DIP2C: variants seen among roughly 807,000 people sequenced by gnomAD.
DIP2C encodes DIP2 acetate--CoA ligase C (putative).
In DIP2C, 33 loss-of-function variants were observed where a neutral mutation model predicts 192.4. The observed-to-expected ratio is 0.17, with a 90% CI of 0.13 to 0.23. The LOEUF (loss-of-function observed/expected upper bound fraction) is 0.23, where lower values mean the gene tolerates loss of function less well. DIP2C is among the 10% of genes least tolerant of loss of function. The probability of loss-of-function intolerance (pLI) is 1.00; values close to 1 mark genes in which losing one functional copy is unlikely to be tolerated. For synonymous variants in DIP2C, 979 were observed against 864.1 expected, an observed-to-expected ratio of 1.13 and a Z score of -2.33; for missense variants, 1,537 against 2,110.1, an observed-to-expected ratio of 0.73 and a Z score of 5.32.
intron 19 of DIP2C, among the ~76,000 whole-genome samples, chr10:364,785 G>A (rs180812822): frequency 1.3e-5 from 2 of 152,208 alleles, no homozygotes; most frequent in African/African-American, 4.8e-5. Flanking sequence ...ACCTCAGCAG[G>A]ACCCCATCCG....
chr10:417,704 C>CGG (rs1965777476), intron 6 of DIP2C, among the ~76,000 whole-genome samples: 4 of 111,362 alleles, frequency 3.6e-5, no homozygotes, highest in East Asian at 2.7e-4. Context: ...CTGTGCCTGT[C>CGG]GGCTCAAATA....
intron 4 of DIP2C, among the ~76,000 whole-genome samples, chr10:433,949 C>A (rs563613341): frequency 6.7e-6 from 1 of 149,804 alleles, no homozygotes; most frequent in Admixed American, 6.6e-5. Context: ...TATTTTCTTT[C>A]CTTTCTTATC....
chr10:506,184 T>G (rs573856597), intron 1 of DIP2C, among the ~76,000 whole-genome samples: 1 of 152,248 alleles, frequency 6.6e-6, no homozygotes, highest in South Asian at 2.1e-4. Context: ...CTTGCTGGGA[T>G]GCAGCTGGAG....
rs761611025 is a variant in DIP2C, at chr10:349,324, C to A, written c.3109+7G>T. On this transcript the variant is annotated splice_region_variant and intron_variant, in intron 25 of 36. Coordinates refer to ENST00000280886, the MANE Select transcript of DIP2C (RefSeq NM_014974.3). ...TCTCTCAGGGGAAGCCCACCCTGCGCCTGTACCTGGGGGGTAGACCAAGGC... is the reference window on the plus strand; with the variant it reads ...TCTCTCAGGGGAAGCCCACCCTGCGACTGTACCTGGGGGGTAGACCAAGGC... 1.2e-6 allele frequency: 2 copies of A among 1,602,068 alleles called. No individual in the cohort carries two copies. The highest frequency in any genetic ancestry group is 1.7e-6 in the Non-Finnish European group (2 of 1,175,692).
At chr10:517,511 CGAAGAGGAGCA>C (rs1458479462) in intron 1 of DIP2C, among the ~76,000 whole-genome samples, 1 of 152,264 alleles carries the variant, frequency 6.6e-6, no homozygotes, top group Middle Eastern at 3.4e-3. Flanking sequence ...CCCACAACGC[CGAAGAGGAGCA>C]GGTGTTTGGG....
At position 348,621 on chromosome 10, in the gene DIP2C, G is replaced by C. The variant is rs180868880; in HGVS notation, c.3231+20C>G. ...TCAGCTCCAGGCAGGTGGAGGCCCC[G>C]ACATTCCCAGGCATGTTACCTCCAC... is the stretch of plus-strand genomic sequence containing the variant. On this transcript the variant is annotated intron_variant, in intron 26 of 36. Transcript: ENST00000280886. 93 of 1,609,962 alleles carry C rather than the reference G, an allele frequency of 5.8e-5. No individual in the cohort carries two copies. The East Asian group carries it at 1.9e-3, about 33-fold the overall frequency.
intron 2 of DIP2C, among the ~76,000 whole-genome samples, chr10:484,254 C>A (rs1301756190): frequency 6.6e-6 from 1 of 152,222 alleles, no homozygotes; most frequent in East Asian, 1.9e-4. Context: ...AAAATACTGT[C>A]CGCCAAAGTA....
chr10:340,683 T>A (rs1958099176), intron 29 of DIP2C: 1 of 447,624 alleles, frequency 2.2e-6, no homozygotes, highest in East Asian at 7.1e-5. Flanking sequence ...ATTCATCCCA[T>A]AAATACTTGC....
intron 2 of DIP2C, chr10:485,059 A>G (rs912511289): frequency 1.5e-6 from 2 of 1,328,724 alleles, no homozygotes; most frequent in Admixed American, 5.0e-5. Flanking sequence ...CAGACCACCA[A>G]GGGGACCACA....
At chr10:521,888 ACCG>A (rs1187297350) in intron 1 of DIP2C, among the ~76,000 whole-genome samples, 2 of 144,196 alleles carry the variant, frequency 1.4e-5, no homozygotes, top group East Asian at 4.1e-4. Context: ...CCCCACCCCC[ACCG>A]GACCAGCATG....
intron 24 of DIP2C, among the ~76,000 whole-genome samples, 161 bp from the exon 25 acceptor site, chr10:349,615 G>A (rs1205301166): frequency 2.0e-5 from 3 of 152,164 alleles, no homozygotes; most frequent in African/African-American, 4.8e-5. Context: ...ATTTTAGAAC[G>A]TTTTTAGCCT....
chr10:613,869 T>A (rs1251094383), intron 1 of DIP2C, among the ~76,000 whole-genome samples: 6 of 151,936 alleles, frequency 3.9e-5, no homozygotes, highest in African/African-American at 1.5e-4. Flanking sequence ...ACCCTCCTGA[T>A]CTCGGCCATC....
At chr10:356,207 A>G in intron 24 of DIP2C, 1 of 615,232 alleles carries the variant, frequency 1.6e-6, no homozygotes, top group Non-Finnish European at 2.9e-6. Flanking sequence ...ATAGGTTGCT[A>G]AAATATCTGT....
intron 36 of DIP2C, among the ~76,000 whole-genome samples, chr10:278,451 G>C (rs1030056431): frequency 6.6e-6 from 1 of 151,402 alleles, no homozygotes; most frequent in Non-Finnish European, 1.5e-5. Flanking sequence ...TGCAAGGATG[G>C]GGACACACCT....
At chr10:293,042 C>G (rs1450915409) in intron 32 of DIP2C, among the ~76,000 whole-genome samples, 1 of 152,246 alleles carries the variant, frequency 6.6e-6, no homozygotes, top group Non-Finnish European at 1.5e-5. Flanking sequence ...GGCAGCACTG[C>G]CCCCGCCAGA....
intron 1 of DIP2C, among the ~76,000 whole-genome samples, chr10:618,379 T>C (rs2131820679): frequency 6.6e-6 from 1 of 152,318 alleles, no homozygotes; most frequent in South Asian, 2.1e-4. Flanking sequence ...CCCACTGACA[T>C]GGCCTCGTCC....
intron 2 of DIP2C, among the ~76,000 whole-genome samples, chr10:481,569 T>C (rs1277929395): frequency 1.3e-5 from 2 of 152,236 alleles, no homozygotes; most frequent in African/African-American, 2.4e-5. Context: ...GAGGTACATG[T>C]TACCCTCTGT....
chr10:388,641 G>C (rs912670282), intron 13 of DIP2C, among the ~76,000 whole-genome samples: 2 of 152,202 alleles, frequency 1.3e-5, no homozygotes, highest in Non-Finnish European at 2.9e-5. Flanking sequence ...GGGGCAGTGC[G>C]TCCCCAGGTG....
intron 26 of DIP2C, among the ~76,000 whole-genome samples, chr10:346,231 T>C (rs368169638): frequency 0.014 from 44 of 3,172 alleles, no homozygotes; most frequent in Non-Finnish European, 0.021. Context: ...AACCCAGACA[T>C]ATCGCGTATA....
Sources: allele counts gnomAD v4.1 joint callset (sites outside exome capture counted in the v4.1 genomes callset), GRCh38; gene constraint gnomAD v4.1.1; transcripts MANE v1.5; gene names NCBI Gene and HGNC (gene_info 2026-07-23, HGNC 2026-07-21).